FAM107B: variants seen among roughly 807,000 people sequenced by gnomAD.
FAM107B encodes the protein family with sequence similarity 107 member B.
In FAM107B, 21 loss-of-function variants were observed where a neutral mutation model predicts 31.5. That is an observed-to-expected ratio of 0.67 (90% CI 0.47 to 0.96). The LOEUF (loss-of-function observed/expected upper bound fraction) is 0.96. Ranked by LOEUF, FAM107B falls within the 40% of genes least tolerant of loss-of-function variation. The pLI is 0.00. For missense variants in FAM107B, 452 were observed against 377.1 expected, an observed-to-expected ratio of 1.20 and a Z score of -1.64; for synonymous variants, 157 against 141.5, an observed-to-expected ratio of 1.11 and a Z score of -0.78.
At chr10:14,655,458 C>T (rs559403292) in intron 2 of FAM107B, among the ~76,000 whole-genome samples, 3 of 152,206 alleles carry the variant, frequency 2.0e-5, no homozygotes, top group African/African-American at 4.8e-5. Flanking sequence ...CTTGCTCTGT[C>T]GCCTAGGCTG....
At chr10:14,645,044 A>T (rs1853719106) in intron 2 of FAM107B, among the ~76,000 whole-genome samples, 1 of 152,202 alleles carries the variant, frequency 6.6e-6, no homozygotes, top group Non-Finnish European at 1.5e-5. Context: ...CCAGGATTCT[A>T]AAAATAATAA....
intron 2 of FAM107B, among the ~76,000 whole-genome samples, chr10:14,551,117 C>T (rs146667165): frequency 0.026 from 3,909 of 152,224 alleles, 77 homozygotes; most frequent in Admixed American, 0.056. Context: ...AAAAGTTTTC[C>T]GAGGCAACTC....
At chr10:14,583,544 C>T (rs912172114) in intron 2 of FAM107B, among the ~76,000 whole-genome samples, 4 of 152,048 alleles carry the variant, frequency 2.6e-5, no homozygotes, top group African/African-American at 2.4e-5. Flanking sequence ...AAGCATGTGG[C>T]GTGGCTCTCC....
At position 14,520,549 on chromosome 10, in the gene FAM107B, AG is replaced by A. The variant is rs1845531122; in HGVS notation, c.*640del. On this transcript the variant is annotated 3_prime_UTR_variant, in exon 5 of 5. Transcript: ENST00000181796. ...TGCTATTATTACACAGAGAACCAAA[AG>A]GAATGAAAATAAAATCAAGATGGGC... 1 of 152,264 alleles carries A rather than the reference AG, an allele frequency of 6.6e-6. No individual in the cohort carries two copies. Among genetic ancestry groups the A allele is most frequent in the African/African-American group, 2.4e-5 (1 of 41,466 alleles). The allele number at this position is 152,264 out of a possible 1,614,324, so 9.4% of individuals were successfully genotyped here. A position where few individuals can be genotyped will look rare whatever the true frequency, so the allele number is the denominator to read the frequency against.
chr10:14,549,232 T>C (rs567350381), intron 2 of FAM107B, among the ~76,000 whole-genome samples: 2 of 152,226 alleles, frequency 1.3e-5, no homozygotes, highest in African/African-American at 4.8e-5. Context: ...CTAAGACACA[T>C]ACAAGAGTCA....
At chr10:14,545,293 T>C (rs1173787248) in intron 2 of FAM107B, among the ~76,000 whole-genome samples, 2 of 152,138 alleles carry the variant, frequency 1.3e-5, no homozygotes, top group African/African-American at 4.8e-5. Context: ...CTCTTTCTGC[T>C]AAATTAATGG....
chr10:14,585,522 C>G (rs556343988), intron 2 of FAM107B, among the ~76,000 whole-genome samples: 1 of 152,326 alleles, frequency 6.6e-6, no homozygotes, highest in East Asian at 1.9e-4. Context: ...TCGAGCACTC[C>G]AGCCAATTAC....
chr10:14,596,658 G>C (rs10906711), intron 2 of FAM107B, among the ~76,000 whole-genome samples: 18,125 of 152,114 alleles, frequency 0.12, 1,212 homozygotes, highest in East Asian at 0.25. Context: ...TGATGTCTAT[G>C]ACTTCTATGA....
intron 2 of FAM107B, chr10:14,572,015 A>G (rs1851268153): frequency 2.0e-6 from 2 of 985,430 alleles, no homozygotes; most frequent in Non-Finnish European, 2.4e-6. Context: ...AGTTCCTTAG[A>G]GCGGTGAAGA....
At chr10:14,682,813 C>G (rs1854870605) in intron 1 of FAM107B, among the ~76,000 whole-genome samples, 1 of 151,846 alleles carries the variant, frequency 6.6e-6, no homozygotes, top group Non-Finnish European at 1.5e-5. Flanking sequence ...ATGGGTACAG[C>G]AAACCACTAT....
At chr10:14,699,056 G>T (rs1010689517) in intron 1 of FAM107B, among the ~76,000 whole-genome samples, 3 of 126,566 alleles carry the variant, frequency 2.4e-5, no homozygotes, top group African/African-American at 5.0e-5. Context: ...AGGCAGAGGT[G>T]GGGGGCAGGG....
chr10:14,636,378 G>A (rs1341482485), intron 2 of FAM107B, among the ~76,000 whole-genome samples: 1 of 151,418 alleles, frequency 6.6e-6, no homozygotes, highest in African/African-American at 2.4e-5. Flanking sequence ...AAAACTAAAT[G>A]TATACGTTCT....
chr10:14,667,848 A>G (rs1238631173), intron 1 of FAM107B, among the ~76,000 whole-genome samples, 157 bp from the exon 2 acceptor site: 2 of 150,146 alleles, frequency 1.3e-5, no homozygotes, highest in Non-Finnish European at 3.0e-5. Context: ...ACAAGCTACT[A>G]CAAATCAACA....
intron 1 of FAM107B, among the ~76,000 whole-genome samples, chr10:14,699,479 C>T (rs774815441): frequency 1.3e-5 from 2 of 152,142 alleles, no homozygotes; most frequent in African/African-American, 2.4e-5. Context: ...AACACTGATG[C>T]TCAAGGGCAG....
At chr10:14,677,545 C>A (rs946543344) in intron 1 of FAM107B, among the ~76,000 whole-genome samples, 1 of 151,886 alleles carries the variant, frequency 6.6e-6, no homozygotes, top group African/African-American at 2.4e-5. Flanking sequence ...GGCGCGAACC[C>A]GGGAGGCGGA....
intron 2 of FAM107B, among the ~76,000 whole-genome samples, chr10:14,559,874 G>A (rs1015121920): frequency 6.6e-6 from 1 of 152,148 alleles, no homozygotes; most frequent in Non-Finnish European, 1.5e-5. Flanking sequence ...CGGCCTCTCA[G>A]AGGACTTTTT....
At position 14,724,087 on chromosome 10, in the gene FAM107B, A is replaced by G. The variant is rs1855974994; in HGVS notation, c.411+50166T>C. The G allele has an allele frequency of 4.8e-6, 3 of 619,780 alleles. No homozygotes were observed. In the Admixed American group the frequency reaches 7.0e-5, roughly 14 times the overall value. 38.4% of individuals were successfully genotyped at this position (619,780 alleles called of 1,614,324 possible). The stretch of plus-strand genomic sequence containing the variant: ...AGTTTCCCTTTAAGTTATGATGGGA[A>G]TCCAGAACAATGCCAAATGGACTCC... On this transcript the variant is annotated intron_variant, in intron 1 of 4. Coordinates refer to ENST00000181796, the MANE Select transcript of FAM107B (RefSeq NM_031453.4).
intron 2 of FAM107B, among the ~76,000 whole-genome samples, chr10:14,557,727 C>G (rs1421512197): frequency 6.6e-6 from 1 of 152,184 alleles, no homozygotes; most frequent in East Asian, 1.9e-4. Context: ...AACAGTTCTG[C>G]GAGGGAGGTA....
intron 1 of FAM107B, among the ~76,000 whole-genome samples, chr10:14,684,481 A>G (rs1433934474): frequency 2.0e-5 from 3 of 151,996 alleles, no homozygotes; most frequent in Non-Finnish European, 4.4e-5. Context: ...ATAAAATAAA[A>G]TGGCAACAAT....
Sources: allele counts gnomAD v4.1 joint callset (sites outside exome capture counted in the v4.1 genomes callset), GRCh38; gene constraint gnomAD v4.1.1; transcripts MANE v1.5; gene names NCBI Gene and HGNC (gene_info 2026-07-23, HGNC 2026-07-21).